Variants in KMT2A observed in about 807,000 individuals in gnomAD.
The protein encoded by KMT2A is lysine methyltransferase 2A, also known as histone-lysine N-methyltransferase 2A.
Under a neutral mutation model 345.3 loss-of-function variants are expected in KMT2A, and 16 were observed. The observed-to-expected ratio is 0.05, with a 90% CI of 0.03 to 0.07. The LOEUF (loss-of-function observed/expected upper bound fraction) is 0.07, where lower values mean the gene tolerates loss of function less well. KMT2A is among the 10% of genes least tolerant of loss of function. The pLI, the probability that KMT2A is intolerant of heterozygous loss-of-function variation, is 1.00. For synonymous variants in KMT2A, 1,599 were observed against 1,778.6 expected, an observed-to-expected ratio of 0.90 and a Z score of 2.54; for missense variants, 3,272 against 4,841.6, an observed-to-expected ratio of 0.68 and a Z score of 9.62.
chr11:118,499,211 T>C (rs941069472), intron 22 of KMT2A, 92 bp from the exon 23 acceptor site: 4 of 797,362 alleles, frequency 5.0e-6, no homozygotes, highest in Admixed American at 1.9e-5. Flanking sequence ...TTTTGAGATA[T>C]GCTATGTGCC....
intron 15 of KMT2A, 108 bp from the exon 16 acceptor site, chr11:118,492,949 T>G: frequency 1.2e-6 from 1 of 848,538 alleles, no homozygotes; most frequent in South Asian, 2.1e-5. Context: ...GTTCCTTGGG[T>G]TTTACAATAT....
At chr11:118,518,338 T>A (rs1484689433) in intron 31 of KMT2A, among the ~76,000 whole-genome samples, 4 of 152,160 alleles carry the variant, frequency 2.6e-5, no homozygotes, top group Non-Finnish European at 5.9e-5. Context: ...ATAAATGTTG[T>A]TTTCATAAAA....
chr11:118,437,666 G>A (rs1170039020), intron 1 of KMT2A, among the ~76,000 whole-genome samples: 2 of 147,014 alleles, frequency 1.4e-5, no homozygotes, highest in Non-Finnish European at 3.0e-5. Context: ...TCCTCATACA[G>A]CAGTCTCTTC....
At chr11:118,467,457 CT>C (rs1949866781) in intron 1 of KMT2A, among the ~76,000 whole-genome samples, 1 of 152,012 alleles carries the variant, frequency 6.6e-6, no homozygotes, top group Non-Finnish European at 1.5e-5. Context: ...TAGTCCAATA[CT>C]TTAATCTTAG....
Position 118,497,392 on chromosome 11 carries a change from C to T in KMT2A, c.5665-544C>T, listed in dbSNP as rs1555044297. On this transcript the variant is annotated intron_variant, in intron 20 of 35. Transcript: ENST00000534358. The surrounding 1 kb of genome is among the most constrained non-coding windows in gnomAD (Gnocchi z 4.8). ...ATTTTTATAAACTTACCACCTATTG[C>T]TCTTTTTGTTTGTTTCCTTTTGAGA... 6.6e-6 allele frequency among the ~76,000 whole-genome samples: 1 copy of T among 152,100 alleles called. No homozygotes were observed. Among genetic ancestry groups the T allele is most frequent in the East Asian group, 1.9e-4 (1 of 5,196 alleles).
Position 118,525,923 on chromosome 11 carries a change from A to G in KMT2A, c.*3751A>G, listed in dbSNP as rs1951072526. ...TGTGCCGAATCATGAATACTAGTCAAGTCACACACTCTGGAAACTTGCAAC... is the reference window on the plus strand; with the variant it reads ...TGTGCCGAATCATGAATACTAGTCAGGTCACACACTCTGGAAACTTGCAAC... On this transcript the variant is annotated 3_prime_UTR_variant, in exon 36 of 36. Coordinates refer to ENST00000534358, the MANE Select transcript of KMT2A (RefSeq NM_001197104.2). 1 of 225,456 alleles carries G rather than the reference A, an allele frequency of 4.4e-6. No homozygotes were observed. Among genetic ancestry groups the G allele is most frequent in the Non-Finnish European group, 8.8e-6 (1 of 113,362 alleles). The allele number at this position is 225,456 out of a possible 1,614,324, so 14.0% of individuals were successfully genotyped here.
intron 31 of KMT2A, among the ~76,000 whole-genome samples, chr11:118,512,561 T>C (rs1950712483): frequency 6.6e-6 from 1 of 152,240 alleles, no homozygotes; most frequent in Non-Finnish European, 1.5e-5. Flanking sequence ...TTTGGGTTTT[T>C]TCTATTTTCT....
In KMT2A at chr11:118,498,190, C is replaced by T; in HGVS notation, c.5802+117C>T. 2 of 1,227,674 alleles carry T rather than the reference C, an allele frequency of 1.6e-6. No individual in the cohort carries two copies. Among genetic ancestry groups the T allele is most frequent in the Non-Finnish European group, 2.3e-6 (2 of 864,320 alleles). 76.0% of individuals were successfully genotyped at this position (1,227,674 alleles called of 1,614,324 possible). A position where few individuals can be genotyped will look rare whatever the true frequency, so the allele number is the denominator to read the frequency against. On this transcript the variant is annotated intron_variant, in intron 21 of 35. Transcript: ENST00000534358. The surrounding 1 kb of genome is among the most constrained non-coding windows in gnomAD (Gnocchi z 4.4). ...TCACAGTGCCATCAGGGTAGTTAGC[C>T]AACAAGTATTGATATACATAATTCA...
chr11:118,495,622 A>T lies in KMT2A; in HGVS notation c.5364-78A>T. 8.9e-7 allele frequency: 1 copy of T among 1,117,940 alleles called. No individual in the cohort carries two copies. Among genetic ancestry groups the T allele is most frequent in the South Asian group, 1.9e-5 (1 of 52,702 alleles). The allele number at this position is 1,117,940 out of a possible 1,614,324, so 69.3% of individuals were successfully genotyped here. A position where few individuals can be genotyped will look rare whatever the true frequency, so the allele number is the denominator to read the frequency against. On this transcript the variant is annotated intron_variant, in intron 18 of 35. Coordinates refer to ENST00000534358, the MANE Select transcript of KMT2A (RefSeq NM_001197104.2). The surrounding 1 kb of genome is among the most constrained non-coding windows in gnomAD (Gnocchi z 4.1). The stretch of plus-strand genomic sequence containing the variant: ...TGGCTCCTACATGGGGCAACAGGTG[A>T]TATCAAGAATTTATTTTATACAGTT...
In KMT2A at chr11:118,496,223, G is replaced by C; in HGVS notation, c.5558-38G>C. The C allele has an allele frequency of 7.0e-7, 1 of 1,423,216 alleles. No individual in the cohort carries two copies. Among genetic ancestry groups the C allele is most frequent in the South Asian group, 1.2e-5 (1 of 86,600 alleles). The allele number at this position is 1,423,216 out of a possible 1,614,324, so 88.2% of individuals were successfully genotyped here. A position where few individuals can be genotyped will look rare whatever the true frequency, so the allele number is the denominator to read the frequency against. Reference sequence around the variant, plus strand: ...GACATAGTATTGCCAATTTTAACTGGATCTCAAGGTATTGATGGGAGTCTT... The same window carrying C: ...GACATAGTATTGCCAATTTTAACTGCATCTCAAGGTATTGATGGGAGTCTT... On this transcript the variant is annotated intron_variant, in intron 19 of 35. Transcript: ENST00000534358. This position sits in a 1 kb window ranked among gnomAD's most constrained non-coding sequence, Gnocchi z 4.7.
At position 118,472,259 on chromosome 11, in the gene KMT2A, C is replaced by T. The variant is rs2134260122; in HGVS notation, c.1100C>T (p.Thr367Ile). Residue 367 changes from threonine to isoleucine, a missense_variant, in exon 3 of 36, where the codon ACA (threonine) becomes ATA (isoleucine). This residue lies in a region of KMT2A where 412 missense variants were observed against 511.0 expected (regional missense o/e 0.81). Coordinates refer to ENST00000534358, the MANE Select transcript of KMT2A (RefSeq NM_001197104.2). ...PVRIIPSSKR[T>I]DATIAKQLLQ... The stretch of plus-strand genomic sequence containing the variant: ...AGGATTATTCCTTCTTCAAAAAGGA[C>T]AGATGCAACCATTGCTAAGCAACTC... 1 of 1,614,052 alleles carries T rather than the reference C, an allele frequency of 6.2e-7. No homozygotes were observed. Among genetic ancestry groups the T allele is most frequent in the Non-Finnish European group, 8.5e-7 (1 of 1,180,016 alleles).
Position 118,507,187 on chromosome 11 carries a change from A to G in KMT2A, c.10755-342A>G, listed in dbSNP as rs1198008034. On this transcript the variant is annotated intron_variant, in intron 27 of 35. Transcript: ENST00000534358. ...GTGTTGCACACCTGTAGCCCCAGCT[A>G]TTCAGGAGGCTGAGGTGGGAGGATT... Among the ~76,000 whole-genome samples, 4 of 152,174 alleles carry G rather than the reference A, an allele frequency of 2.6e-5. No individual in the cohort carries two copies. In the South Asian group the frequency reaches 6.2e-4, roughly 24 times the overall value.
Position 118,490,646 on chromosome 11 carries a change from A to T in KMT2A, c.4696+397A>T, listed in dbSNP as rs993861517. ...TATTACTGACTTAGGATAATCATATAAAGTTCACTGTTTTAAGTAAGATAA... is the reference window on the plus strand; with the variant it reads ...TATTACTGACTTAGGATAATCATATTAAGTTCACTGTTTTAAGTAAGATAA... On this transcript the variant is annotated intron_variant, in intron 13 of 35. Transcript: ENST00000534358. The surrounding 1 kb of genome is among the most constrained non-coding windows in gnomAD (Gnocchi z 4.2). Among the ~76,000 whole-genome samples, 6 of 152,138 alleles carry T rather than the reference A, an allele frequency of 3.9e-5. No homozygotes were observed. Among genetic ancestry groups the T allele is most frequent in the Non-Finnish European group, 8.8e-5 (6 of 68,020 alleles).
At chr11:118,452,580 T>C (rs781796692) in intron 1 of KMT2A, among the ~76,000 whole-genome samples, 3 of 151,756 alleles carry the variant, frequency 2.0e-5, no homozygotes, top group Admixed American at 1.3e-4. Context: ...TAGATGTGAC[T>C]ACATGCTCTG....
At chr11:118,471,404 T>C (rs1949939866) in intron 2 of KMT2A, among the ~76,000 whole-genome samples, 1 of 152,252 alleles carries the variant, frequency 6.6e-6, no homozygotes, top group South Asian at 2.1e-4. Context: ...GGATTAATTG[T>C]TCAACTGAAA....
rs145789893 is a variant in KMT2A at position 118,452,076 on chromosome 11, G to A, written c.432+15132G>A. Among the ~76,000 whole-genome samples the A allele has an allele frequency of 3.9e-5, 6 of 152,116 alleles. No individual in the cohort carries two copies. In the East Asian group the frequency reaches 1.2e-3, roughly 29 times the overall value. On this transcript the variant is annotated intron_variant, in intron 1 of 35. Transcript: ENST00000534358. ...GACGAGGTCTCACTATGTTACCTGC[G>A]CTGGAGGGCAGTGGCTGTTCACAGG...
rs1950381846 is a variant in KMT2A, at chr11:118,494,939, C to T, written c.5363+172C>T. Among the ~76,000 whole-genome samples the T allele has an allele frequency of 6.6e-6, 1 of 151,956 alleles. No homozygotes were observed. The highest frequency in any genetic ancestry group is 2.4e-5 in the African/African-American group (1 of 41,386). On this transcript the variant is annotated intron_variant, in intron 18 of 35. Transcript: ENST00000534358. This position sits in a 1 kb window ranked among gnomAD's most constrained non-coding sequence, Gnocchi z 5.8. ...ATTTAATGTTTGTTATAAGCAATTG[C>T]CTTTTTGTTCTTTACTTTTATATTT...
rs1555035574 is a variant in KMT2A, at chr11:118,471,804, T to A, written c.645T>A (p.Ser215=). The change falls in exon 3 of 36, where the codon TCT becomes TCA. Residue 215 remains serine, a synonymous_variant. Coordinates refer to ENST00000534358, the MANE Select transcript of KMT2A (RefSeq NM_001197104.2). ...GAGATAAGATCAAGAAGAAAGATTC[T>A]AAAAGTATAGAAAAGAAGAGAGGAA... ...KSGDKIKKKD[S]KSIEKKRGRP... is the part of the protein sequence containing the mutation. 1 of 1,613,366 alleles carries A rather than the reference T, an allele frequency of 6.2e-7. No homozygotes were observed. Among genetic ancestry groups the A allele is most frequent in the Non-Finnish European group, 8.5e-7 (1 of 1,179,786 alleles).
At chr11:118,459,112 C>T (rs1949700361) in intron 1 of KMT2A, among the ~76,000 whole-genome samples, 1 of 152,072 alleles carries the variant, frequency 6.6e-6, no homozygotes, top group Admixed American at 6.5e-5. Flanking sequence ...GCTCTGTTAC[C>T]CAGGCTGGAG....
Sources: gnomAD v4.1 joint callset for allele counts (sites outside exome capture counted in the v4.1 genomes callset) on GRCh38, gnomAD v4.1.1 for gene constraint, gnomAD v4.1.1 regional missense constraint, Gnocchi (gnomAD v3.1) non-coding constraint, MANE v1.5 for transcripts, NCBI Gene and HGNC (gene_info 2026-07-23, HGNC 2026-07-21) for gene names.